Variants in ME3 observed in about 807,000 individuals in gnomAD.
The protein encoded by ME3 is NADP-dependent malic enzyme, mitochondrial.
Under a neutral mutation model 68.9 loss-of-function variants are expected in ME3, and 48 were observed. The ratio of observed to expected loss-of-function variants is 0.70; its 90% CI spans 0.55 to 0.89. The LOEUF is 0.89. ME3 is among the 40% of genes least tolerant of loss of function. The pLI, the probability that ME3 is intolerant of heterozygous loss-of-function variation, is 0.00. For missense variants in ME3, 675 were observed against 797.4 expected, an observed-to-expected ratio of 0.85 and a Z score of 1.85; for synonymous variants, 320 against 318.8, an observed-to-expected ratio of 1.00 and a Z score of -0.04.
At chr11:86,457,469 T>C in intron 8 of ME3, 2 of 1,023,622 alleles carry the variant, frequency 2.0e-6, no homozygotes, top group Non-Finnish European at 2.4e-6. Context: ...CTGTTGCCCA[T>C]TTTTTTCCTT....
intron 2 of ME3, among the ~76,000 whole-genome samples, chr11:86,565,056 G>A (rs1957414169): frequency 6.6e-6 from 1 of 152,124 alleles, no homozygotes; most frequent in African/African-American, 2.4e-5. Context: ...TTTCTCTAAA[G>A]AAGATAAACC....
intron 2 of ME3, among the ~76,000 whole-genome samples, chr11:86,613,853 T>C (rs1942768350): frequency 6.6e-6 from 1 of 152,130 alleles, no homozygotes; most frequent in Admixed American, 6.5e-5. Flanking sequence ...TCCATCCTCA[T>C]GGGTAGGAAG....
chr11:86,522,928 A>G (rs1954432606), intron 4 of ME3, among the ~76,000 whole-genome samples: 1 of 152,218 alleles, frequency 6.6e-6, no homozygotes, highest in African/African-American at 2.4e-5. Flanking sequence ...ATTTTATATC[A>G]GGGATTTGAG....
intron 2 of ME3, among the ~76,000 whole-genome samples, chr11:86,612,674 C>CT (rs1942673826): frequency 6.6e-6 from 1 of 152,122 alleles, no homozygotes; most frequent in Non-Finnish European, 1.5e-5. Flanking sequence ...TGATGTTTAG[C>CT]TTTTTTTCAT....
intron 8 of ME3, 148 bp downstream of exon 8, chr11:86,464,943 G>C (rs1950402320): frequency 1.6e-6 from 1 of 608,524 alleles, no homozygotes; most frequent in South Asian, 2.0e-5. Flanking sequence ...AGTAGGAGTT[G>C]AATCTAAGTT....
intron 7 of ME3, among the ~76,000 whole-genome samples, chr11:86,486,723 G>T (rs1319993987): frequency 1.3e-5 from 2 of 152,202 alleles, no homozygotes; most frequent in Non-Finnish European, 2.9e-5. Flanking sequence ...CTGTCATCAG[G>T]CCTCCATCCC....
At chr11:86,464,124 GTCAT>G (rs761359025) in intron 8 of ME3, 22 of 451,226 alleles carry the variant, frequency 4.9e-5, no homozygotes, top group Non-Finnish European at 8.9e-5. Context: ...CTCTGGAGAA[GTCAT>G]CTGCAAAATG....
intron 2 of ME3, among the ~76,000 whole-genome samples, chr11:86,670,580 G>C (rs1946861912): frequency 6.6e-6 from 1 of 152,196 alleles, no homozygotes. Context: ...CTTTTGGAAA[G>C]AGCAGGACTC....
At chr11:86,611,382 A>C (rs774844821) in intron 2 of ME3, among the ~76,000 whole-genome samples, 1 of 152,176 alleles carries the variant, frequency 6.6e-6, no homozygotes, top group African/African-American at 2.4e-5. Flanking sequence ...TATGGTGACT[A>C]TAGTTAATAA....
At chr11:86,557,285 C>T (rs1956982542) in intron 3 of ME3, among the ~76,000 whole-genome samples, 1 of 152,152 alleles carries the variant, frequency 6.6e-6, no homozygotes, top group African/African-American at 2.4e-5. Flanking sequence ...TACCTAATCC[C>T]TGAGACCTGA....
intron 4 of ME3, among the ~76,000 whole-genome samples, chr11:86,522,252 A>G (rs956606664): frequency 2.7e-4 from 2 of 7,340 alleles, no homozygotes; most frequent in African/African-American, 1.4e-3. Flanking sequence ...TCTGTCTCAA[A>G]CAAACAAACA....
chr11:86,487,510 T>A, intron 6 of ME3, 70 bp from the exon 7 acceptor site: 1 of 1,237,448 alleles, frequency 8.1e-7, no homozygotes. Flanking sequence ...CCAACAAGTA[T>A]CCAGGATTAT....
chr11:86,545,273 C>T (rs1956295303), intron 4 of ME3, among the ~76,000 whole-genome samples: 1 of 152,176 alleles, frequency 6.6e-6, no homozygotes, highest in Non-Finnish European at 1.5e-5. Flanking sequence ...CAAGGATGCC[C>T]TCTTTCATCA....
At chr11:86,640,148 G>A (rs372629230) in intron 2 of ME3, among the ~76,000 whole-genome samples, 4 of 152,272 alleles carry the variant, frequency 2.6e-5, no homozygotes, top group South Asian at 2.1e-4. Context: ...TATAGGAAGC[G>A]GAGACAACAA....
chr11:86,623,451 T>C (rs1282161893), intron 2 of ME3, among the ~76,000 whole-genome samples: 1 of 152,244 alleles, frequency 6.6e-6, no homozygotes, highest in Non-Finnish European at 1.5e-5. Context: ...CCTGAGCAAA[T>C]TCCTATAATA....
intron 4 of ME3, among the ~76,000 whole-genome samples, chr11:86,511,441 G>T (rs989052162): frequency 2.6e-5 from 4 of 152,158 alleles, no homozygotes; most frequent in Non-Finnish European, 5.9e-5. Context: ...CCTTTGCAAA[G>T]ATTATGACAG....
chr11:86,438,973 TC>T (rs542865725), downstream of ME3, among the ~76,000 whole-genome samples: 40 of 152,260 alleles, frequency 2.6e-4, no homozygotes, highest in Non-Finnish European at 5.0e-4. Flanking sequence ...ATGGTATAGT[TC>T]CTGTCTAAAG....
chr11:86,649,928 G>A (rs1180484642), intron 2 of ME3, among the ~76,000 whole-genome samples: 1 of 152,074 alleles, frequency 6.6e-6, no homozygotes, highest in East Asian at 1.9e-4. Flanking sequence ...AGCTACCATT[G>A]ACTATCTTCA....
At chr11:86,449,686 C>T (rs1370941015) in intron 10 of ME3, among the ~76,000 whole-genome samples, 1 of 150,876 alleles carries the variant, frequency 6.6e-6, no homozygotes, top group African/African-American at 2.4e-5. Flanking sequence ...AGAAGGGGCA[C>T]ACATCTACAC....
Sources: gnomAD v4.1 joint callset for allele counts (sites outside exome capture counted in the v4.1 genomes callset) on GRCh38, gnomAD v4.1.1 for gene constraint, MANE v1.5 for transcripts, NCBI Gene and HGNC (gene_info 2026-07-23, HGNC 2026-07-21) for gene names.